Variants in SLC25A25 observed in about 807,000 individuals in gnomAD.
SLC25A25 encodes the protein mitochondrial adenyl nucleotide antiporter SLC25A25.
SLC25A25 carries 32 observed loss-of-function variants against 57.7 expected under a neutral mutation model. That is an observed-to-expected ratio of 0.55 (90% CI 0.42 to 0.74). SLC25A25 has a LOEUF of 0.74. Ranked by LOEUF, SLC25A25 falls within the 30% of genes least tolerant of loss-of-function variation. The pLI, the probability that SLC25A25 is intolerant of heterozygous loss-of-function variation, is 0.00. For missense variants in SLC25A25, 556 were observed against 701.3 expected, an observed-to-expected ratio of 0.79 and a Z score of 2.34; for synonymous variants, 306 against 291.2, an observed-to-expected ratio of 1.05 and a Z score of -0.52.
At chr9:128,086,136 T>C (rs1833267990) in intron 1 of SLC25A25, among the ~76,000 whole-genome samples, 1 of 151,066 alleles carries the variant, frequency 6.6e-6, no homozygotes, top group Admixed American at 6.6e-5. Context: ...TTTGTAAATG[T>C]CAGTGTGGTC....
intron 1 of SLC25A25, among the ~76,000 whole-genome samples, chr9:128,096,527 T>C (rs554844417): frequency 1.3e-5 from 2 of 150,562 alleles, no homozygotes; most frequent in South Asian, 4.3e-4. Context: ...ATAATAATAA[T>C]GATACATTAT....
chr9:128,077,516 TAAAAA>T (rs567869070), intron 1 of SLC25A25, among the ~76,000 whole-genome samples: 2 of 100,364 alleles, frequency 2.0e-5, no homozygotes, highest in Non-Finnish European at 3.9e-5. Context: ...GACTCCGTCT[TAAAAA>T]AAAAAAAAGC....
Position 128,101,399 on chromosome 9 carries a change from G to C in SLC25A25, c.476+3G>C. 6.2e-7 allele frequency: 1 copy of C among 1,614,032 alleles called. No individual in the cohort carries two copies. Among genetic ancestry groups the C allele is most frequent in the Non-Finnish European group, 8.5e-7 (1 of 1,179,974 alleles). Reference sequence around the variant, plus strand: ...CAGGCAGAAAAAATTCTCAAGAGGTGAGTGCTCAGCCAGCCTCTGTGTTTG... The same window carrying C: ...CAGGCAGAAAAAATTCTCAAGAGGTCAGTGCTCAGCCAGCCTCTGTGTTTG... On this transcript the variant is annotated splice_donor_region_variant and intron_variant, in intron 3 of 10. Coordinates refer to ENST00000373069, the MANE Select transcript of SLC25A25 (RefSeq NM_001330988.2). This position sits in a 1 kb window ranked among gnomAD's most constrained non-coding sequence, Gnocchi z 4.9.
At position 128,092,678 on chromosome 9, in the gene SLC25A25, G is replaced by A. The variant is rs771145636; in HGVS notation, c.262-8418G>A. ...CCGCTGCGGGTCTGCCAACTGTGGG[G>A]TCTTTCATCCTTCCTGAGCCCAGAG... On this transcript the variant is annotated intron_variant, in intron 1 of 10. Transcript: ENST00000373069. Among the ~76,000 whole-genome samples, 28 of 152,288 alleles carry A rather than the reference G, an allele frequency of 1.8e-4. 1 individual carries two copies. The Middle Eastern group carries it at 0.02, about 111-fold the overall frequency.
At chr9:128,077,387 G>A (rs1833039866) in intron 1 of SLC25A25, among the ~76,000 whole-genome samples, 1 of 152,098 alleles carries the variant, frequency 6.6e-6, no homozygotes, top group Non-Finnish European at 1.5e-5. Context: ...CGCGGTGGCG[G>A]GCGCCTGTGG....
chr9:128,079,703 C>G (rs1429563086), intron 1 of SLC25A25, among the ~76,000 whole-genome samples: 3 of 145,912 alleles, frequency 2.1e-5, no homozygotes, highest in Non-Finnish European at 3.0e-5. Context: ...CTTAAAAAAC[C>G]CAGGAGGGGC....
rs1012542795 is a variant in SLC25A25, at chr9:128,107,690, G to C, written c.*246G>C. 1.6e-5 allele frequency: 7 copies of C among 434,706 alleles called. No individual in the cohort carries two copies. Among genetic ancestry groups the C allele is most frequent in the Admixed American group, 3.8e-5 (1 of 26,214 alleles). The allele number at this position is 434,706 out of a possible 1,614,324, so 26.9% of individuals were successfully genotyped here. ...ATTCCTTAGGGTCCAGGGTCAGCAG[G>C]CTCCGGGCTCACATGTGTAAGGACA... is the stretch of plus-strand genomic sequence containing the variant. On this transcript the variant is annotated 3_prime_UTR_variant, in exon 11 of 11. Coordinates refer to ENST00000373069, the MANE Select transcript of SLC25A25 (RefSeq NM_001330988.2).
intron 1 of SLC25A25, among the ~76,000 whole-genome samples, chr9:128,093,529 C>T (rs1459149488): frequency 2.6e-5 from 4 of 152,228 alleles, no homozygotes; most frequent in Non-Finnish European, 5.9e-5. Flanking sequence ...CAGCTTAGTT[C>T]CTGGCCTGCA....
chr9:128,105,777 C>A lies in SLC25A25; in HGVS notation c.832C>A (p.Gln278Lys), dbSNP rs748301336. 1.5e-5 allele frequency: 25 copies of A among 1,613,922 alleles called. 1 individual carries two copies. The South Asian group carries it at 2.7e-4, about 18-fold the overall frequency. The change falls in exon 7 of 11, where the codon CAG (glutamine) becomes AAG (lysine). Residue 278 changes from glutamine (Q) to lysine (K), a missense_variant. Around this residue, in one of 3 missense-constraint regions of SLC25A25, gnomAD observed 294 missense variants for 389.6 expected, o/e 0.75. Coordinates refer to ENST00000373069, the MANE Select transcript of SLC25A25 (RefSeq NM_001330988.2). ...NNMGIVGGFT[Q>K]MIREGGARSL... Reference sequence around the variant, plus strand: ...CATGGGCATCGTTGGTGGCTTCACTCAGATGATTCGAGAAGGAGGGGCCAG... The same window carrying A: ...CATGGGCATCGTTGGTGGCTTCACTAAGATGATTCGAGAAGGAGGGGCCAG...
intron 1 of SLC25A25, among the ~76,000 whole-genome samples, chr9:128,078,480 G>A (rs974935544): frequency 6.6e-6 from 1 of 152,090 alleles, no homozygotes; most frequent in Non-Finnish European, 1.5e-5. Context: ...TGGAAAACCT[G>A]GGCTCTGTGG....
intron 1 of SLC25A25, among the ~76,000 whole-genome samples, chr9:128,084,468 C>T (rs1220938792): frequency 6.6e-6 from 1 of 152,036 alleles, no homozygotes; most frequent in African/African-American, 2.4e-5. Context: ...TGGCCTGACA[C>T]TCCTTTTTAT....
intron 1 of SLC25A25, chr9:128,098,972 A>G (rs1833675215): frequency 1.0e-6 from 1 of 985,336 alleles, no homozygotes; most frequent in African/African-American, 1.7e-5. Context: ...TTCAGAAAGG[A>G]AATTCCTTTT....
chr9:128,070,054 A>C lies in SLC25A25; in HGVS notation c.261+1474A>C, dbSNP rs572379690. 1.0e-4 allele frequency among the ~76,000 whole-genome samples: 13 copies of C among 125,538 alleles called. No individual in the cohort carries two copies. The South Asian group carries it at 3.5e-3, about 34-fold the overall frequency. 82.4% of individuals were successfully genotyped at this position (125,538 alleles called of 152,430 possible). ...TGCCTCAGCCTCCCTAGTAGCTGGGATTACAGGCATGTGCCACCACACCCA... is the reference window on the plus strand; with the variant it reads ...TGCCTCAGCCTCCCTAGTAGCTGGGCTTACAGGCATGTGCCACCACACCCA... On this transcript the variant is annotated intron_variant, in intron 1 of 10. Transcript: ENST00000373069.
intron 9 of SLC25A25, 27 bp from the exon 10 acceptor site, chr9:128,107,002 T>C: frequency 6.2e-7 from 1 of 1,609,410 alleles, no homozygotes; most frequent in Non-Finnish European, 8.5e-7. Flanking sequence ...TTCCTAGGGC[T>C]TATCCCATGC....
At position 128,108,117 on chromosome 9, in the gene SLC25A25, C is replaced by G; in HGVS notation, c.*673C>G. ...AGGGGGCTCGGGCTGCCTGGCCTGG[C>G]TGCACAGAAGGCAAGTGCTGGGGCT... On this transcript the variant is annotated 3_prime_UTR_variant, in exon 11 of 11. Coordinates refer to ENST00000373069, the MANE Select transcript of SLC25A25 (RefSeq NM_001330988.2). The G allele has an allele frequency of 2.5e-6, 1 of 399,646 alleles. No homozygotes were observed. Among genetic ancestry groups the G allele is most frequent in the Admixed American group, 4.4e-5 (1 of 22,750 alleles). 24.8% of individuals were successfully genotyped at this position (399,646 alleles called of 1,614,324 possible). A position where few individuals can be genotyped will look rare whatever the true frequency, so the allele number is the denominator to read the frequency against.
chr9:128,069,553 T>G (rs757348191), intron 1 of SLC25A25, among the ~76,000 whole-genome samples: 39 of 152,188 alleles, frequency 2.6e-4, no homozygotes, highest in Admixed American at 3.9e-4. Flanking sequence ...TAGCCAAGTA[T>G]GAAAAGAATC....
Position 128,068,420 on chromosome 9 carries a change from AC to A in SLC25A25, c.105del (p.Cys36AlafsTer66). ...SSASSPASVGDPCGGAICGGP... is the reference protein window; with the variant it reads ...SSASSPASVGXPCGGAICGGP... Reference sequence around the variant, plus strand: ...GCCTCATCGCCGGCGTCCGTGGGGGACCCCTGCGGCGGCGCTATCTGCGGGG... The same window carrying A: ...GCCTCATCGCCGGCGTCCGTGGGGGACCCTGCGGCGGCGCTATCTGCGGGG... On this transcript the variant is annotated frameshift_variant, in exon 1 of 11. Coordinates refer to ENST00000373069, the MANE Select transcript of SLC25A25 (RefSeq NM_001330988.2). LOFTEE classifies it high-confidence loss of function. 6.4e-7 allele frequency: 1 copy of A among 1,557,768 alleles called. No homozygotes were observed. Among genetic ancestry groups the A allele is most frequent in the East Asian group, 2.4e-5 (1 of 41,166 alleles).
At chr9:128,075,670 C>T (rs968527082) in intron 1 of SLC25A25, among the ~76,000 whole-genome samples, 1 of 152,000 alleles carries the variant, frequency 6.6e-6, no homozygotes, top group Non-Finnish European at 1.5e-5. Flanking sequence ...GGTGAAACCT[C>T]ATCTCTACTA....
intron 1 of SLC25A25, 139 bp downstream of exon 1, chr9:128,068,719 A>T (rs556796579): frequency 1.0e-6 from 1 of 979,284 alleles, no homozygotes; most frequent in East Asian, 3.3e-5. Context: ...ACTGAGGGAC[A>T]CCCCACTTAT....
Sources: gnomAD v4.1 joint callset for allele counts (sites outside exome capture counted in the v4.1 genomes callset) on GRCh38, gnomAD v4.1.1 for gene constraint, gnomAD v4.1.1 regional missense constraint, Gnocchi (gnomAD v3.1) non-coding constraint, MANE v1.5 for transcripts, NCBI Gene and HGNC (gene_info 2026-07-23, HGNC 2026-07-21) for gene names.